The following PTPRU variants were observed in gnomAD, a reference collection of about 807,000 sequenced individuals.
The protein encoded by PTPRU is receptor-type tyrosine-protein phosphatase U.
A neutral mutation model predicts 166.3 loss-of-function variants in PTPRU; 69 were observed. That is an observed-to-expected ratio of 0.41 (90% CI 0.34 to 0.51). The LOEUF (loss-of-function observed/expected upper bound fraction) is 0.51. Among genes scored for constraint, PTPRU ranks in the 20% least tolerant of loss-of-function variants. The pLI is 0.09. For missense variants in PTPRU, 1,657 were observed against 2,013.7 expected, an observed-to-expected ratio of 0.82 and a Z score of 3.39; for synonymous variants, 793 against 814.0, an observed-to-expected ratio of 0.97 and a Z score of 0.44.
At chr1:29,322,352 T>G (rs1424885507) in intron 26 of PTPRU, among the ~76,000 whole-genome samples, 2 of 152,164 alleles carry the variant, frequency 1.3e-5, no homozygotes, top group East Asian at 1.9e-4. Flanking sequence ...GTAGAAAAAC[T>G]GATAGTGACA....
chr1:29,296,696 AT>A (rs1686898344), intron 15 of PTPRU, among the ~76,000 whole-genome samples: 1 of 122,096 alleles, frequency 8.2e-6, no homozygotes, highest in East Asian at 2.3e-4. Context: ...TTTTTTTTGT[AT>A]TTTTTGTAGA....
At chr1:29,319,645 G>A (rs1172087025) in intron 25 of PTPRU, among the ~76,000 whole-genome samples, 4 of 152,218 alleles carry the variant, frequency 2.6e-5, no homozygotes, top group African/African-American at 9.6e-5. Flanking sequence ...GAGAGAGATC[G>A]CTGGGGGACC....
intron 28 of PTPRU, 56 bp from the exon 29 acceptor site, chr1:29,325,135 T>G: frequency 6.2e-7 from 1 of 1,607,188 alleles, no homozygotes; most frequent in South Asian, 1.1e-5. Context: ...CCCTGGCCCT[T>G]TTCTTACCTT....
In PTPRU at chr1:29,280,766, C is replaced by T. The variant is rs749167488; in HGVS notation, c.1868+625C>T. 5.9e-5 allele frequency among the ~76,000 whole-genome samples: 9 copies of T among 151,594 alleles called. No homozygotes were observed. Among genetic ancestry groups the T allele is most frequent in the South Asian group, 2.1e-4 (1 of 4,804 alleles). ...GTGTGTGAGAGGCGTATATGGGAGA[C>T]ATAAGTGTGCATGTGTGTGAGAGTG... On this transcript the variant is annotated intron_variant, in intron 11 of 29. Coordinates refer to ENST00000373779, the MANE Select transcript of PTPRU (RefSeq NM_133178.4). The surrounding 1 kb of genome is among the most constrained non-coding windows in gnomAD (Gnocchi z 4.2).
At position 29,325,248 on chromosome 1, in the gene PTPRU, C is replaced by T. The variant is rs753668885; in HGVS notation, c.4170C>T (p.Ile1390=). The change falls in exon 29 of 30, where the codon ATC becomes ATT. Residue 1390 remains isoleucine (I), a synonymous_variant. Transcript: ENST00000373779. Reference sequence around the variant, plus strand: ...CCTGCGCCACGGTCCTGGAGATGATCCGCTGCCACAACTTGGTGGACGTTT... The same window carrying T: ...CCTGCGCCACGGTCCTGGAGATGATTCGCTGCCACAACTTGGTGGACGTTT... The part of the protein sequence containing the change: ...FCACATVLEM[I]RCHNLVDVFF... The T allele has an allele frequency of 4.3e-6, 7 of 1,614,220 alleles. No homozygotes were observed. Among genetic ancestry groups the T allele is most frequent in the South Asian group, 2.2e-5 (2 of 91,086 alleles).
Position 29,279,790 on chromosome 1 carries a change from A to G in PTPRU, c.1765+133A>G. On this transcript the variant is annotated intron_variant, in intron 10 of 29. Transcript: ENST00000373779. The surrounding 1 kb of genome is among the most constrained non-coding windows in gnomAD (Gnocchi z 5.2). ...CCCTGCTGAGATAAATATGCCATTT[A>G]GGAGTTAAAGTCAGGCTCAGGGAGG... is the stretch of plus-strand genomic sequence containing the variant. The G allele has an allele frequency of 8.8e-7, 1 of 1,141,492 alleles. No individual in the cohort carries two copies. Among genetic ancestry groups the G allele is most frequent in the Non-Finnish European group, 1.3e-6 (1 of 797,830 alleles). 70.7% of individuals were successfully genotyped at this position (1,141,492 alleles called of 1,614,324 possible). A position where few individuals can be genotyped will look rare whatever the true frequency, so the allele number is the denominator to read the frequency against.
rs533094431 is a variant in PTPRU, at chr1:29,280,271, T to C, written c.1868+130T>C. The stretch of plus-strand genomic sequence containing the variant: ...AGTCTCCCACGCAGGGCTTGGAGTG[T>C]CTGGAGGAGATTGTTCTGTGATGCT... On this transcript the variant is annotated intron_variant, in intron 11 of 29. Transcript: ENST00000373779. This position sits in a 1 kb window ranked among gnomAD's most constrained non-coding sequence, Gnocchi z 4.2. The C allele has an allele frequency of 1.0e-5, 9 of 885,042 alleles. No homozygotes were observed. The African/African-American group carries it at 1.3e-4, about 13-fold the overall frequency. The allele number at this position is 885,042 out of a possible 1,614,324, so 54.8% of individuals were successfully genotyped here.
At chr1:29,269,978 C>T (rs1685492111) in intron 7 of PTPRU, among the ~76,000 whole-genome samples, 1 of 152,110 alleles carries the variant, frequency 6.6e-6, no homozygotes, top group African/African-American at 2.4e-5. Context: ...GACTGTTTGC[C>T]TCCAGACTTC....
intron 25 of PTPRU, among the ~76,000 whole-genome samples, chr1:29,319,046 T>A (rs1688029538): frequency 6.6e-6 from 1 of 151,914 alleles, no homozygotes; most frequent in East Asian, 1.9e-4. Flanking sequence ...CTTCCGGGTG[T>A]CAGCTGAAGG....
chr1:29,266,605 C>T (rs1229798437), intron 7 of PTPRU, among the ~76,000 whole-genome samples: 1 of 152,176 alleles, frequency 6.6e-6, no homozygotes, highest in East Asian at 1.9e-4. Flanking sequence ...CTTAACCTTT[C>T]TGAGCTTCAG....
At position 29,315,242 on chromosome 1, in the gene PTPRU, G is replaced by C; in HGVS notation, c.3228-130G>C. 1 of 1,155,520 alleles carries C rather than the reference G, an allele frequency of 8.7e-7. No homozygotes were observed. The highest frequency in any genetic ancestry group is 1.2e-6 in the Non-Finnish European group (1 of 816,208). The allele number at this position is 1,155,520 out of a possible 1,614,324, so 71.6% of individuals were successfully genotyped here. The stretch of plus-strand genomic sequence containing the variant: ...TGCGTCCTGGCTCCTTACTCGGGGA[G>C]GGGCAGTCATCTCTGTGTCCGTGTC... On this transcript the variant is annotated intron_variant, in intron 22 of 29. Transcript: ENST00000373779. The surrounding 1 kb of genome is among the most constrained non-coding windows in gnomAD (Gnocchi z 4.5).
At chr1:29,307,972 G>T (rs1055253719) in intron 18 of PTPRU, among the ~76,000 whole-genome samples, 1 of 151,826 alleles carries the variant, frequency 6.6e-6, no homozygotes, top group Non-Finnish European at 1.5e-5. Context: ...TGTTAGGCTG[G>T]TCTCAAACTC....
chr1:29,301,526 T>A (rs1046143866), intron 15 of PTPRU, among the ~76,000 whole-genome samples: 3 of 152,226 alleles, frequency 2.0e-5, no homozygotes, highest in African/African-American at 7.2e-5. Context: ...AAGTTAACTG[T>A]AAAACAGCCT....
intron 7 of PTPRU, among the ~76,000 whole-genome samples, chr1:29,266,455 G>T (rs1343815074): frequency 2.0e-5 from 3 of 152,166 alleles, no homozygotes. Flanking sequence ...CTAAAATCCA[G>T]TTTAAAGCCA....
rs183503370 is a variant in PTPRU at position 29,314,547 on chromosome 1, C to T, written c.3228-825C>T. On this transcript the variant is annotated intron_variant, in intron 22 of 29. Coordinates refer to ENST00000373779, the MANE Select transcript of PTPRU (RefSeq NM_133178.4). ...AGGGAGACAGCCACATAAACAATGA[C>T]CATGTAGCAGGAAGAGTGTTTTATT... Among the ~76,000 whole-genome samples the T allele has an allele frequency of 2.0e-3, 310 of 151,906 alleles. 1 individual carries two copies. The highest frequency in any genetic ancestry group is 6.8e-3 in the Middle Eastern group (2 of 294).
chr1:29,260,142 T>TGGGCCGGGGGGGGGGGCGGGGGGGGGG lies in PTPRU; in HGVS notation c.850+101_850+102insCCGGGGGGGGGGGCGGGGGGGGGGGGG. ...TGCCCGGGGGCGTGGCCGTGGGGGG[T>TGGGCCGGGGGGGGGGGCGGGGGGGGGG]GGGGCCGGCAGGGTGTCGCTGGGGC... On this transcript the variant is annotated intron_variant, in intron 6 of 29. Coordinates refer to ENST00000373779, the MANE Select transcript of PTPRU (RefSeq NM_133178.4). The surrounding 1 kb of genome is among the most constrained non-coding windows in gnomAD (Gnocchi z 8.3). 1 of 508,758 alleles carries TGGGCCGGGGGGGGGGGCGGGGGGGGGG rather than the reference T, an allele frequency of 2.0e-6. No homozygotes were observed. The highest frequency in any genetic ancestry group is 2.7e-6 in the Non-Finnish European group (1 of 376,740). The allele number at this position is 508,758 out of a possible 1,614,324, so 31.5% of individuals were successfully genotyped here.
intron 3 of PTPRU, 76 bp downstream of exon 3, chr1:29,258,852 A>G: frequency 1.3e-6 from 2 of 1,510,336 alleles, no homozygotes; most frequent in Non-Finnish European, 1.8e-6. Flanking sequence ...GTTGGAGTAG[A>G]TGAGTGGCTG....
intron 14 of PTPRU, among the ~76,000 whole-genome samples, chr1:29,286,222 C>T (rs750153103): frequency 2.0e-5 from 3 of 152,136 alleles, no homozygotes; most frequent in Non-Finnish European, 2.9e-5. Flanking sequence ...TTTTTCCCCT[C>T]GTTGTTCCTG....
chr1:29,308,521 C>G (rs1008277612), intron 18 of PTPRU, among the ~76,000 whole-genome samples: 16 of 134,050 alleles, frequency 1.2e-4, no homozygotes, highest in African/African-American at 4.5e-4. Context: ...GAGTCGAGAT[C>G]GTGCCATTGC....
Sources: gnomAD v4.1 joint callset for allele counts (sites outside exome capture counted in the v4.1 genomes callset) on GRCh38, gnomAD v4.1.1 for gene constraint, Gnocchi (gnomAD v3.1) non-coding constraint, MANE v1.5 for transcripts, NCBI Gene and HGNC (gene_info 2026-07-23, HGNC 2026-07-21) for gene names.